The following UBE2D2 variants were observed in gnomAD, a reference collection of about 807,000 sequenced individuals.
UBE2D2 encodes ubiquitin conjugating enzyme E2 D2, also known as ubiquitin-conjugating enzyme E2 D2.
A neutral mutation model predicts 24.2 loss-of-function variants in UBE2D2; 2 were observed. That is an observed-to-expected ratio of 0.08 (90% CI 0.03 to 0.26). The LOEUF (loss-of-function observed/expected upper bound fraction) is 0.26, where lower values mean the gene tolerates loss of function less well. Among genes scored for constraint, UBE2D2 ranks in the 10% least tolerant of loss-of-function variants. UBE2D2 has a pLI of 1.00. For missense variants in UBE2D2, 44 were observed against 177.6 expected (o/e 0.25, Z 4.28); for synonymous variants, 58 against 56.5 (o/e 1.03, Z -0.12).
intron 1 of UBE2D2, among the ~76,000 whole-genome samples, chr5:139,569,759 T>C (rs1753312100): frequency 6.6e-6 from 1 of 152,192 alleles, no homozygotes; most frequent in Admixed American, 6.6e-5. Context: ...TAGGTCTGAA[T>C]TGAGAACCTG....
At chr5:139,561,929 G>A in intron 1 of UBE2D2, 114 bp downstream of exon 1, 1 of 1,363,534 alleles carries the variant, frequency 7.3e-7, no homozygotes, top group Non-Finnish European at 9.6e-7. Flanking sequence ...TGCCGGTGCT[G>A]GCCCCTCGGG....
chr5:139,555,964 C>T (rs957100450), intron 1 of UBE2D2, among the ~76,000 whole-genome samples: 11 of 135,334 alleles, frequency 8.1e-5, no homozygotes, highest in Admixed American at 1.5e-4. Context: ...AGGCCAGGCA[C>T]GGTGGCTCAC....
chr5:139,540,171 G>A (rs1244980197), intron 1 of UBE2D2, among the ~76,000 whole-genome samples: 5 of 150,946 alleles, frequency 3.3e-5, no homozygotes, highest in African/African-American at 4.9e-5. Flanking sequence ...AGCCTGCTTC[G>A]ACCTCCCAAA....
chr5:139,591,795 A>G (rs1439506968), intron 1 of UBE2D2, among the ~76,000 whole-genome samples: 1 of 152,182 alleles, frequency 6.6e-6, no homozygotes, highest in African/African-American at 2.4e-5. Context: ...TGGGAACATA[A>G]GCAAGTAGTA....
At chr5:139,560,372 A>G (rs1366780663), upstream of UBE2D2, among the ~76,000 whole-genome samples, 4 of 151,912 alleles carry the variant, frequency 2.6e-5, no homozygotes, top group Non-Finnish European at 5.9e-5. Context: ...TAATTTTTGT[A>G]TATTTAGTAC....
intron 1 of UBE2D2, among the ~76,000 whole-genome samples, chr5:139,584,612 A>G (rs2126668966): frequency 7.0e-6 from 1 of 143,066 alleles, no homozygotes; most frequent in African/African-American, 2.7e-5. Flanking sequence ...GGCTCACTGC[A>G]TCCTCTGCCT....
chr5:139,596,019 G>A (rs542818433), intron 1 of UBE2D2, among the ~76,000 whole-genome samples: 4 of 134,908 alleles, frequency 3.0e-5, no homozygotes, highest in Middle Eastern at 0.01. Flanking sequence ...TCAGCCTCCC[G>A]AGTAGCTGGG....
intron 1 of UBE2D2, among the ~76,000 whole-genome samples, chr5:139,537,774 C>T (rs1445872982): frequency 6.6e-6 from 1 of 151,802 alleles, no homozygotes; most frequent in Non-Finnish European, 1.5e-5. Flanking sequence ...ACCATCCTGG[C>T]TAACACGGTG....
intron 1 of UBE2D2, among the ~76,000 whole-genome samples, chr5:139,578,947 A>G (rs1311835057): frequency 6.6e-6 from 1 of 152,084 alleles, no homozygotes; most frequent in Non-Finnish European, 1.5e-5. Context: ...GATTTCAGCT[A>G]TGTTTTATTT....
chr5:139,569,898 C>T (rs952754627), intron 1 of UBE2D2, among the ~76,000 whole-genome samples: 4 of 152,156 alleles, frequency 2.6e-5, no homozygotes, highest in East Asian at 1.9e-4. Context: ...AAACTGTGTC[C>T]TGGAACCTGA....
chr5:139,605,992 C>T (rs1754191858), intron 2 of UBE2D2, among the ~76,000 whole-genome samples: 1 of 152,138 alleles, frequency 6.6e-6, no homozygotes, highest in Non-Finnish European at 1.5e-5. Flanking sequence ...ATCCTCCTGC[C>T]TCTGCCTCCC....
chr5:139,551,933 G>T (rs939104172), intron 1 of UBE2D2, among the ~76,000 whole-genome samples: 3 of 152,176 alleles, frequency 2.0e-5, no homozygotes, highest in Non-Finnish European at 4.4e-5. Flanking sequence ...CATGGATATG[G>T]TGCCAGATCC....
At chr5:139,527,187 A>T (rs1752551203) in intron 1 of UBE2D2, among the ~76,000 whole-genome samples, 1 of 152,168 alleles carries the variant, frequency 6.6e-6, no homozygotes, top group Non-Finnish European at 1.5e-5. Context: ...AAGCCTGGAG[A>T]GGTCCCTTGT....
At chr5:139,587,892 A>T (rs758435973) in intron 1 of UBE2D2, among the ~76,000 whole-genome samples, 2 of 151,946 alleles carry the variant, frequency 1.3e-5, no homozygotes, top group Non-Finnish European at 2.9e-5. Flanking sequence ...GTTTTTGCCT[A>T]ATTAGCATTT....
chr5:139,564,212 G>T (rs1753169232), intron 1 of UBE2D2, among the ~76,000 whole-genome samples: 1 of 152,052 alleles, frequency 6.6e-6, no homozygotes, highest in Non-Finnish European at 1.5e-5. Context: ...GGAATGCAAT[G>T]GCACGATCTC....
chr5:139,608,575 G>GTTTAA (rs1477788600), intron 2 of UBE2D2, among the ~76,000 whole-genome samples: 13 of 151,852 alleles, frequency 8.6e-5, no homozygotes, highest in Non-Finnish European at 1.9e-4. Flanking sequence ...GGCAACATGG[G>GTTTAA]AAGACCCCGT....
intron 1 of UBE2D2, among the ~76,000 whole-genome samples, chr5:139,548,398 C>T (rs1052568894): frequency 1.3e-5 from 2 of 151,714 alleles, no homozygotes; most frequent in Non-Finnish European, 2.9e-5. Flanking sequence ...CCCAAGATTG[C>T]TACACGGAGT....
At position 139,628,348 on chromosome 5, in the gene UBE2D2, T is replaced by C. The variant is rs908311674; in HGVS notation, c.*1547T>C. On this transcript the variant is annotated 3_prime_UTR_variant, in exon 7 of 7. Coordinates refer to ENST00000398733, the MANE Select transcript of UBE2D2 (RefSeq NM_003339.3). Reference sequence around the variant, plus strand: ...AGGCCAACCTGAAAGCCATGGCTGATGCTCTAGCCATCAGGTTCTTTCAAA... The same window carrying C: ...AGGCCAACCTGAAAGCCATGGCTGACGCTCTAGCCATCAGGTTCTTTCAAA... 2 of 152,678 alleles carry C rather than the reference T, an allele frequency of 1.3e-5. No homozygotes were observed. Among genetic ancestry groups the C allele is most frequent in the East Asian group, 1.9e-4 (1 of 5,204 alleles). The allele number at this position is 152,678 out of a possible 1,614,324, so 9.5% of individuals were successfully genotyped here.
intron 1 of UBE2D2, among the ~76,000 whole-genome samples, chr5:139,579,134 A>C (rs1299578027): frequency 6.6e-6 from 1 of 151,812 alleles, no homozygotes; most frequent in Non-Finnish European, 1.5e-5. Flanking sequence ...CACCCAGCTA[A>C]TTTTTGTATT....
Sources: allele counts gnomAD v4.1 joint callset (sites outside exome capture counted in the v4.1 genomes callset), GRCh38; gene constraint gnomAD v4.1.1; transcripts MANE v1.5; gene names NCBI Gene and HGNC (gene_info 2026-07-23, HGNC 2026-07-21).